Variants in AVEN observed in about 807,000 individuals in gnomAD.
The protein encoded by AVEN is apoptosis and caspase activation inhibitor, also known as cell death regulator Aven.
Under a neutral mutation model 38.1 loss-of-function variants are expected in AVEN, and 41 were observed. That is an observed-to-expected ratio of 1.08 (90% CI 0.84 to 1.40). The LOEUF is 1.40. Among genes scored for constraint, AVEN ranks in the 40% most tolerant of loss-of-function variants. The pLI, the probability that AVEN is intolerant of heterozygous loss-of-function variation, is 0.00. For missense variants in AVEN, 605 were observed against 438.8 expected (o/e 1.38, Z -3.38); for synonymous variants, 206 against 171.8 (o/e 1.20, Z -1.56).
In AVEN at chr15:33,867,912, A is replaced by C. The variant is rs1442595100; in HGVS notation, c.613-57T>G. ...ATGTGAGTCTTGCCATATTGGCTTA[A>C]GTAAATACATAGGAGGCTAAACGAA... On this transcript the variant is annotated intron_variant, in intron 4 of 5. Coordinates refer to ENST00000306730, the MANE Select transcript of AVEN (RefSeq NM_020371.3). 2.0e-6 allele frequency: 3 copies of C among 1,514,458 alleles called. No individual in the cohort carries two copies. The African/African-American group carries it at 4.2e-5, about 21-fold the overall frequency. 93.8% of individuals were successfully genotyped at this position (1,514,458 alleles called of 1,614,324 possible).
rs1355911931 is a variant in AVEN, at chr15:33,999,004, C to CTA, written c.445+4027_445+4028insTA. 1.2e-4 allele frequency among the ~76,000 whole-genome samples: 18 copies of CTA among 152,344 alleles called. No individual in the cohort carries two copies. The East Asian group carries it at 2.3e-3, about 20-fold the overall frequency. On this transcript the variant is annotated intron_variant, in intron 2 of 5. Transcript: ENST00000306730. ...CCACATTCCTCTATCCAGCAGCCTG[C>CTA]TCCATGTCGCCTATTAGATGTTGTG...
the AVEN span, chr15:33,853,155 C>G: frequency 4.6e-6 from 6 of 1,303,048 alleles, no homozygotes; most frequent in Middle Eastern, 1.9e-4. Flanking sequence ...TTTAAGTTCT[C>G]CACATACAAA....
At chr15:33,886,341 C>T (rs1170580768) in intron 2 of AVEN, among the ~76,000 whole-genome samples, 3 of 152,096 alleles carry the variant, frequency 2.0e-5, no homozygotes, top group Non-Finnish European at 4.4e-5. Context: ...CTCGCTCTGT[C>T]GCCCAGGCTG....
At chr15:33,895,804 T>G (rs1233503226) in intron 2 of AVEN, among the ~76,000 whole-genome samples, 1 of 152,202 alleles carries the variant, frequency 6.6e-6, no homozygotes, top group Non-Finnish European at 1.5e-5. Flanking sequence ...GACTCTTAGT[T>G]AAACCTCTCT....
At chr15:34,020,440 T>G (rs998481567) in intron 1 of AVEN, among the ~76,000 whole-genome samples, 3 of 152,250 alleles carry the variant, frequency 2.0e-5, no homozygotes, top group Non-Finnish European at 4.4e-5. Context: ...AGAAATTTGG[T>G]TGAAACAATA....
chr15:33,982,055 C>T (rs930441835), intron 2 of AVEN, among the ~76,000 whole-genome samples: 2 of 151,042 alleles, frequency 1.3e-5, no homozygotes, highest in Non-Finnish European at 2.9e-5. Flanking sequence ...TTAGTAGAGA[C>T]AAGATTTCAC....
chr15:33,895,861 T>A (rs946129634), intron 2 of AVEN, among the ~76,000 whole-genome samples: 7 of 152,184 alleles, frequency 4.6e-5, no homozygotes, highest in Admixed American at 3.3e-4. Context: ...AACTTTTATA[T>A]CCAGCCATGA....
At chr15:33,927,241 C>T (rs567397562) in intron 2 of AVEN, among the ~76,000 whole-genome samples, 14 of 151,014 alleles carry the variant, frequency 9.3e-5, no homozygotes, top group African/African-American at 1.7e-4. Flanking sequence ...GGTGACAGAG[C>T]GAGACTCCAT....
In AVEN at chr15:33,867,645, G is replaced by A. The variant is rs763248567; in HGVS notation, c.823C>T (p.Leu275=). The A allele has an allele frequency of 6.8e-6, 11 of 1,614,062 alleles. No individual in the cohort carries two copies. The highest frequency in any genetic ancestry group is 8.5e-6 in the Non-Finnish European group (10 of 1,180,030). Residue 275 remains leucine (L), a synonymous_variant, in exon 5 of 6, where the codon CTG becomes TTG. Transcript: ENST00000306730. The stretch of plus-strand genomic sequence containing the variant: ...TCCAAATGGTCTCCTGCTGACTGCA[G>A]TGGGGAAGTGGGTTTCTGAGAATCC... ...SRDSQKPTSP[L]QSAGDHLEEE...
chr15:34,029,502 T>C (rs2140753086), intron 1 of AVEN, among the ~76,000 whole-genome samples: 1 of 106,154 alleles, frequency 9.4e-6, no homozygotes, highest in South Asian at 3.2e-4. Context: ...GCAACATAGG[T>C]AGACCCTATT....
chr15:33,945,416 C>T lies in AVEN; in HGVS notation c.445+57616G>A, dbSNP rs181688987. Among the ~76,000 whole-genome samples the T allele has an allele frequency of 2.9e-4, 44 of 152,236 alleles. 1 individual carries two copies. The highest frequency in any genetic ancestry group is 2.0e-3 in the Admixed American group (30 of 15,294). On this transcript the variant is annotated intron_variant, in intron 2 of 5. Transcript: ENST00000306730. ...GGTATGCCTTCCTCCAGTCTTGATG[C>T]CCTGAACCCATCCTAGTTTCTACTC...
chr15:33,862,778 TTTTTGTATTTTTAGTA>T (rs1372927230), downstream of AVEN, among the ~76,000 whole-genome samples: 9 of 152,054 alleles, frequency 5.9e-5, no homozygotes, highest in Non-Finnish European at 7.4e-5. Context: ...CCTGGGCTAA[TTTTTGTATTTTTAGTA>T]GAGACAGGGT....
chr15:33,987,801 C>G (rs73385793), intron 2 of AVEN, among the ~76,000 whole-genome samples: 1 of 152,160 alleles, frequency 6.6e-6, no homozygotes, highest in Non-Finnish European at 1.5e-5. Context: ...TCATAATCAG[C>G]GCTGCATGCA....
intron 4 of AVEN, among the ~76,000 whole-genome samples, chr15:33,868,252 A>C (rs1367587928): frequency 6.6e-6 from 1 of 152,180 alleles, no homozygotes; most frequent in East Asian, 1.9e-4. Context: ...GGCCAGGCGC[A>C]GTGGCTCATG....
chr15:33,989,712 T>C (rs576980338), intron 2 of AVEN, among the ~76,000 whole-genome samples: 15 of 152,096 alleles, frequency 9.9e-5, no homozygotes, highest in Non-Finnish European at 1.9e-4. Flanking sequence ...CCTTTTATTA[T>C]CTTTCCAGAT....
rs577265557 is a variant in AVEN at position 34,014,303 on chromosome 15, A to C, written c.268-11094T>G. ...TGCTTGAACCCAGGAGGCAGAGATT[A>C]CAGTGAGCCAAGATTGTGCCATTGC... On this transcript the variant is annotated intron_variant, in intron 1 of 5. Coordinates refer to ENST00000306730, the MANE Select transcript of AVEN (RefSeq NM_020371.3). Among the ~76,000 whole-genome samples the C allele has an allele frequency of 2.0e-5, 3 of 149,108 alleles. No homozygotes were observed. In the South Asian group the frequency reaches 6.5e-4, roughly 32 times the overall value.
Position 34,013,417 on chromosome 15 carries a change from G to A in AVEN, c.268-10208C>T, listed in dbSNP as rs565363202. Reference sequence around the variant, plus strand: ...AGTCACCTTGATAGTTCCTTCCCAGGATAAACTTATTTCTTTAAGTACAAC... The same window carrying A: ...AGTCACCTTGATAGTTCCTTCCCAGAATAAACTTATTTCTTTAAGTACAAC... On this transcript the variant is annotated intron_variant, in intron 1 of 5. Coordinates refer to ENST00000306730, the MANE Select transcript of AVEN (RefSeq NM_020371.3). Among the ~76,000 whole-genome samples, 57 of 152,248 alleles carry A rather than the reference G, an allele frequency of 3.7e-4. No homozygotes were observed. In the Middle Eastern group the frequency reaches 0.014, roughly 36 times the overall value.
At chr15:33,969,395 T>A (rs776958809) in intron 2 of AVEN, among the ~76,000 whole-genome samples, 19 of 152,040 alleles carry the variant, frequency 1.2e-4, no homozygotes, top group Non-Finnish European at 2.4e-4. Context: ...TCTTTATTTT[T>A]ATCCCAATTT....
chr15:33,915,131 T>A (rs956427140), intron 2 of AVEN, among the ~76,000 whole-genome samples: 8 of 152,032 alleles, frequency 5.3e-5, no homozygotes, highest in Admixed American at 5.2e-4. Flanking sequence ...TATAAAATAC[T>A]TAAGAGGGGA....
Sources: gnomAD v4.1 joint callset for allele counts (sites outside exome capture counted in the v4.1 genomes callset) on GRCh38, gnomAD v4.1.1 for gene constraint, MANE v1.5 for transcripts, NCBI Gene and HGNC (gene_info 2026-07-23, HGNC 2026-07-21) for gene names.